The following CEP85L variants were observed in gnomAD, a reference collection of about 807,000 sequenced individuals.
CEP85L encodes centrosomal protein of 85 kDa-like.
Under a neutral mutation model 100.3 loss-of-function variants are expected in CEP85L, and 60 were observed. That is an observed-to-expected ratio of 0.60 (90% confidence interval 0.49 to 0.74). The LOEUF is 0.74. CEP85L is among the 30% of genes least tolerant of loss of function. The pLI, the probability that CEP85L is intolerant of heterozygous loss-of-function variation, is 0.00. For missense variants in CEP85L, 973 were observed against 936.2 expected, an observed-to-expected ratio of 1.04 and a Z score of -0.51; for synonymous variants, 319 against 322.7, an observed-to-expected ratio of 0.99 and a Z score of 0.12.
At chr6:118,567,241 G>GTATA (rs1779588263) in intron 2 of CEP85L, among the ~76,000 whole-genome samples, 7 of 38,152 alleles carry the variant, frequency 1.8e-4, no homozygotes, top group African/African-American at 6.3e-4. Flanking sequence ...GTGTGTGTGT[G>GTATA]TGTGTGTGTA....
At chr6:118,653,620 G>C (rs1775670710), upstream of CEP85L, among the ~76,000 whole-genome samples, 2 of 152,124 alleles carry the variant, frequency 1.3e-5, no homozygotes, top group Admixed American at 6.5e-5. Flanking sequence ...TTTTTGTTTT[G>C]TTGTGACAGT....
At position 118,703,253 on chromosome 6, in the gene CEP85L, T is replaced by C. The variant is rs554406123; in HGVS notation, c.-28+6783A>G. ...TTTCTTTTTGTCTTTTTTGAGCAAA[T>C]AAATCGTTATTTTAAGCCACTAAGT... On this transcript the variant is annotated intron_variant, in intron 1 of 13. Transcript: ENST00000368488. Among the ~76,000 whole-genome samples the C allele has an allele frequency of 6.6e-5, 10 of 152,294 alleles. No individual in the cohort carries two copies. The South Asian group carries it at 2.1e-3, about 32-fold the overall frequency.
chr6:118,680,615 G>A (rs189719066), intron 1 of CEP85L, among the ~76,000 whole-genome samples: 2 of 152,246 alleles, frequency 1.3e-5, no homozygotes, highest in East Asian at 3.9e-4. Flanking sequence ...AGTGGCTCAC[G>A]CCTATAATCC....
intron 2 of CEP85L, among the ~76,000 whole-genome samples, chr6:118,567,258 T>TAC (rs1779603399): frequency 1.8e-5 from 1 of 56,184 alleles, no homozygotes; most frequent in Admixed American, 1.8e-4. Flanking sequence ...TGTATATATA[T>TAC]ATATATATAT....
chr6:118,585,698 T>C (rs187159926), intron 2 of CEP85L, among the ~76,000 whole-genome samples: 2 of 152,320 alleles, frequency 1.3e-5, no homozygotes. Flanking sequence ...ATAAAACTTA[T>C]CAATGTGCCC....
At chr6:118,547,397 A>G (rs928286234) in intron 3 of CEP85L, among the ~76,000 whole-genome samples, 1 of 152,140 alleles carries the variant, frequency 6.6e-6, no homozygotes, top group African/African-American at 2.4e-5. Context: ...ATCCTTTCAA[A>G]AACATTACAA....
chr6:118,482,271 T>C (rs921297725), intron 7 of CEP85L, among the ~76,000 whole-genome samples: 3 of 152,082 alleles, frequency 2.0e-5, no homozygotes, highest in Non-Finnish European at 2.9e-5. Flanking sequence ...CAGGTTGAGG[T>C]TAAGTACATT....
At chr6:118,589,341 G>A (rs968049727) in intron 2 of CEP85L, 3 of 243,650 alleles carry the variant, frequency 1.2e-5, no homozygotes, top group African/African-American at 6.9e-5. Context: ...TAAAACTGCA[G>A]GAATCAGGAT....
intron 2 of CEP85L, among the ~76,000 whole-genome samples, chr6:118,607,735 C>A (rs1772322718): frequency 6.6e-6 from 1 of 152,116 alleles, no homozygotes; most frequent in African/African-American, 2.4e-5. Flanking sequence ...CCCAGGTACC[C>A]CACTACTTAC....
chr6:118,665,675 A>G (rs1442478489), intron 1 of CEP85L, among the ~76,000 whole-genome samples: 2 of 152,106 alleles, frequency 1.3e-5, no homozygotes, highest in African/African-American at 2.4e-5. Context: ...CTTAACTTTA[A>G]TGATCATAAG....
chr6:118,592,150 T>C (rs1244759805), intron 2 of CEP85L, among the ~76,000 whole-genome samples: 4 of 152,168 alleles, frequency 2.6e-5, no homozygotes, highest in African/African-American at 7.2e-5. Context: ...GTGTTACCTA[T>C]ATTATCCTAC....
chr6:118,663,171 G>A (rs919981246), intron 1 of CEP85L, among the ~76,000 whole-genome samples: 3 of 152,118 alleles, frequency 2.0e-5, no homozygotes, highest in African/African-American at 7.2e-5. Flanking sequence ...GTATAAATGG[G>A]ACCAACTCTT....
chr6:118,547,299 C>T (rs146602126), intron 3 of CEP85L, among the ~76,000 whole-genome samples: 2 of 152,174 alleles, frequency 1.3e-5, no homozygotes, highest in Non-Finnish European at 1.5e-5. Context: ...ATAAACTGTT[C>T]TAGGAAGTTC....
At chr6:118,530,009 T>G (rs1777201759) in intron 3 of CEP85L, among the ~76,000 whole-genome samples, 2 of 152,104 alleles carry the variant, frequency 1.3e-5, no homozygotes, top group Admixed American at 1.3e-4. Flanking sequence ...CACTCTTGGA[T>G]GTAATAAAAT....
chr6:118,511,840 C>G (rs1582946163), intron 4 of CEP85L, among the ~76,000 whole-genome samples: 1 of 151,946 alleles, frequency 6.6e-6, no homozygotes, highest in African/African-American at 2.4e-5. Flanking sequence ...CCTTGTTCTA[C>G]TCAGGATGAT....
At chr6:118,605,812 G>A (rs1583154358) in intron 2 of CEP85L, among the ~76,000 whole-genome samples, 1 of 152,096 alleles carries the variant, frequency 6.6e-6, no homozygotes, top group African/African-American at 2.4e-5. Context: ...GGAGATCGAG[G>A]CCATCCTGGC....
intron 3 of CEP85L, among the ~76,000 whole-genome samples, chr6:118,524,357 T>C (rs1310475554): frequency 6.6e-6 from 1 of 152,132 alleles, no homozygotes; most frequent in Admixed American, 6.5e-5. Flanking sequence ...GGCAGAAGAA[T>C]GGCGTGAACC....
rs1775245837 is a variant in CEP85L at position 118,647,044 on chromosome 6, T to C, written c.73+4153A>G. On this transcript the variant is annotated intron_variant, in intron 1 of 12. Transcript: ENST00000368491. The stretch of plus-strand genomic sequence containing the variant: ...TCACCCCTTACCCCCCAATACCTAT[T>C]ATGAAAGAACATGTTCAGTTGGGTT... 4 of 985,292 alleles carry C rather than the reference T, an allele frequency of 4.1e-6. No individual in the cohort carries two copies. In the Admixed American group the frequency reaches 1.8e-4, roughly 45 times the overall value. The allele number at this position is 985,292 out of a possible 1,614,324, so 61.0% of individuals were successfully genotyped here.
chr6:118,523,627 T>C (rs922966035), intron 4 of CEP85L, among the ~76,000 whole-genome samples, 175 bp downstream of exon 4: 7 of 152,120 alleles, frequency 4.6e-5, no homozygotes, highest in Non-Finnish European at 1.0e-4. Context: ...AGATAAACCA[T>C]CAGTTCTAAC....
Sources: allele counts gnomAD v4.1 joint callset (sites outside exome capture counted in the v4.1 genomes callset), GRCh38; gene constraint gnomAD v4.1.1; transcripts MANE v1.5; gene names NCBI Gene and HGNC (gene_info 2026-07-23, HGNC 2026-07-21).